ARHGAP32: variants seen among roughly 807,000 people sequenced by gnomAD.
The protein encoded by ARHGAP32 is rho GTPase-activating protein 32.
In ARHGAP32, 51 loss-of-function variants were observed where a neutral mutation model predicts 186.5. The ratio of observed to expected loss-of-function variants is 0.27; its 90% CI spans 0.22 to 0.35. The LOEUF (loss-of-function observed/expected upper bound fraction) is 0.35. Ranked by LOEUF, ARHGAP32 falls within the 10% of genes least tolerant of loss-of-function variation. ARHGAP32 has a pLI of 1.00. For synonymous variants in ARHGAP32, 950 were observed against 964.3 expected, an observed-to-expected ratio of 0.99 and a Z score of 0.27; for missense variants, 2,186 against 2,623.5, an observed-to-expected ratio of 0.83 and a Z score of 3.64.
In ARHGAP32 at chr11:128,970,708, G is replaced by A. The variant is rs748204862; in HGVS notation, c.4505C>T (p.Pro1502Leu). Residue 1502 changes from proline (P) to leucine (L), a missense_variant, in exon 23 of 23, where the codon CCA becomes CTA. Pro to Leu is a moderately conservative substitution (Grantham distance 98). This residue lies in a region of ARHGAP32 where 1,502 missense variants were observed against 1,570.0 expected (regional missense o/e 0.96). Coordinates refer to ENST00000682385, the MANE Select transcript of ARHGAP32 (RefSeq NM_001378024.1). The surrounding 1 kb of genome is among the most constrained non-coding windows in gnomAD (Gnocchi z 5.8). ...CATATTGAAATGCAAACAGTTATCT[G>A]GACCAAAGGGTTCAGTGGTGACATC... The part of the protein sequence containing the change: ...RPDVTTEPFG[P>L]DNCLHFNMTP... 7 of 1,614,168 alleles carry A rather than the reference G, an allele frequency of 4.3e-6. No homozygotes were observed. Among genetic ancestry groups the A allele is most frequent in the Admixed American group, 3.3e-5 (2 of 60,016 alleles).
Position 129,123,779 on chromosome 11 carries a change from AT to A in ARHGAP32, c.359+108del. On this transcript the variant is annotated intron_variant, in intron 4 of 22. Transcript: ENST00000682385. The surrounding 1 kb of genome is among the most constrained non-coding windows in gnomAD (Gnocchi z 4.6). ...CCGTTATCTCCTAATTTTGACCCGA[AT>A]CAATGTCCATAGAAAAACTGCTATT... 1 of 948,598 alleles carries A rather than the reference AT, an allele frequency of 1.1e-6. No individual in the cohort carries two copies. Among genetic ancestry groups the A allele is most frequent in the Non-Finnish European group, 1.5e-6 (1 of 673,924 alleles). The allele number at this position is 948,598 out of a possible 1,614,324, so 58.8% of individuals were successfully genotyped here.
intron 1 of ARHGAP32, among the ~76,000 whole-genome samples, chr11:129,210,726 C>A (rs1944569131): frequency 6.6e-6 from 1 of 152,168 alleles, no homozygotes; most frequent in Admixed American, 6.6e-5. Context: ...TCAACTATTT[C>A]CCGAAATGAT....
intron 11 of ARHGAP32, among the ~76,000 whole-genome samples, chr11:129,006,940 T>C (rs1937806339): frequency 6.6e-6 from 1 of 151,976 alleles, no homozygotes; most frequent in South Asian, 2.1e-4. Flanking sequence ...ACTCAAACCA[T>C]GAGACACAGT....
intron 11 of ARHGAP32, among the ~76,000 whole-genome samples, chr11:129,034,734 A>C (rs1939255283): frequency 6.7e-6 from 1 of 150,242 alleles, no homozygotes; most frequent in South Asian, 2.1e-4. Context: ...AAAACAAAAA[A>C]AAAAAAAAAA....
intron 6 of ARHGAP32, among the ~76,000 whole-genome samples, chr11:129,092,031 T>C (rs1348247759): frequency 6.6e-6 from 1 of 152,024 alleles, no homozygotes; most frequent in African/African-American, 2.4e-5. Context: ...AATTACTACT[T>C]TGATATAACA....
chr11:129,274,438 G>A (rs1044377795), intron 1 of ARHGAP32, among the ~76,000 whole-genome samples: 2 of 151,990 alleles, frequency 1.3e-5, no homozygotes, highest in Non-Finnish European at 2.9e-5. Context: ...CTGTTCCACC[G>A]AGGACAGCGT....
chr11:129,117,413 T>A (rs150182071), intron 5 of ARHGAP32, among the ~76,000 whole-genome samples: 351 of 152,120 alleles, frequency 2.3e-3, no homozygotes, highest in African/African-American at 8.3e-3. Flanking sequence ...ACTTTTTAAA[T>A]GAAACTTCAG....
intron 2 of ARHGAP32, among the ~76,000 whole-genome samples, chr11:129,126,543 T>G (rs966693358): frequency 6.6e-6 from 1 of 152,030 alleles, no homozygotes; most frequent in Non-Finnish European, 1.5e-5. Flanking sequence ...CTTTCACTTA[T>G]AGAAAAGAGA....
At position 128,988,188 on chromosome 11, in the gene ARHGAP32, A is replaced by G. The variant is rs1945934105; in HGVS notation, c.1196-63T>C. On this transcript the variant is annotated intron_variant, in intron 12 of 22. Transcript: ENST00000682385. ...TATTCACTGGAACCAAAGTTGCCAA[A>G]AAATAAGATTGTCTTAGTTTACAAA... 1.1e-5 allele frequency: 13 copies of G among 1,230,582 alleles called. No homozygotes were observed. In the South Asian group the frequency reaches 1.7e-4, roughly 16 times the overall value. 76.2% of individuals were successfully genotyped at this position (1,230,582 alleles called of 1,614,324 possible). A position where few individuals can be genotyped will look rare whatever the true frequency, so the allele number is the denominator to read the frequency against.
At chr11:129,258,324 G>A (rs1437428812) in intron 1 of ARHGAP32, among the ~76,000 whole-genome samples, 1 of 152,098 alleles carries the variant, frequency 6.6e-6, no homozygotes, top group Non-Finnish European at 1.5e-5. Flanking sequence ...CTGAATCTGT[G>A]AGCCATTTAA....
chr11:129,276,984 GA>G (rs1945539398), intron 1 of ARHGAP32, among the ~76,000 whole-genome samples: 1 of 152,134 alleles, frequency 6.6e-6, no homozygotes, highest in Admixed American at 6.5e-5. Flanking sequence ...GGTTAAATCC[GA>G]AAAATTCTCA....
At chr11:129,204,791 C>T (rs1440450658) in intron 1 of ARHGAP32, among the ~76,000 whole-genome samples, 4 of 152,166 alleles carry the variant, frequency 2.6e-5, no homozygotes, top group Non-Finnish European at 5.9e-5. Flanking sequence ...ATCTTATCCT[C>T]AAGTAACAGA....
chr11:129,264,061 AAAG>A lies in ARHGAP32; in HGVS notation c.-5+15082_-5+15084del, dbSNP rs1208502933. ...CAATGGAATAGTATTCACCCTTAAA[AAAG>A]AAGGAAATCCTTCCGCATGCTACAA... On this transcript the variant is annotated intron_variant, in intron 1 of 6. Coordinates refer to the ARHGAP32 transcript ENST00000525234. Among the ~76,000 whole-genome samples the A allele has an allele frequency of 3.9e-5, 6 of 152,216 alleles. No individual in the cohort carries two copies. In the East Asian group the frequency reaches 1.2e-3, roughly 29 times the overall value.
At chr11:129,190,714 A>G (rs527689584) in intron 1 of ARHGAP32, among the ~76,000 whole-genome samples, 5 of 152,358 alleles carry the variant, frequency 3.3e-5, no homozygotes, top group Middle Eastern at 3.4e-3. Flanking sequence ...ATACCCAAAT[A>G]ACTTCCATAA....
intron 19 of ARHGAP32, among the ~76,000 whole-genome samples, chr11:128,977,999 AAG>A (rs1172243183): frequency 2.6e-5 from 4 of 151,798 alleles, no homozygotes; most frequent in Non-Finnish European, 5.9e-5. Context: ...TTACAGGTGT[AAG>A]CCACTGTACC....
At chr11:129,031,322 C>A (rs904158797) in intron 11 of ARHGAP32, among the ~76,000 whole-genome samples, 1 of 152,146 alleles carries the variant, frequency 6.6e-6, no homozygotes, top group African/African-American at 2.4e-5. Flanking sequence ...TATCCATAAT[C>A]TTTGAAATAA....
intron 2 of ARHGAP32, among the ~76,000 whole-genome samples, chr11:129,134,875 T>C (rs1453745149): frequency 6.6e-6 from 1 of 152,148 alleles, no homozygotes; most frequent in Non-Finnish European, 1.5e-5. Flanking sequence ...AAAGAAACCC[T>C]CACCAGACAC....
intron 5 of ARHGAP32, among the ~76,000 whole-genome samples, chr11:129,107,868 CAAAAAAAAAAA>C (rs71057924): frequency 7.5e-5 from 7 of 93,392 alleles, no homozygotes; most frequent in Admixed American, 1.4e-4. Flanking sequence ...AACTATGTTT[CAAAAAAAAAAA>C]AAAAAAAAAA....
At chr11:129,267,756 TG>T (rs1945422957) in intron 1 of ARHGAP32, among the ~76,000 whole-genome samples, 4 of 152,342 alleles carry the variant, frequency 2.6e-5, no homozygotes, top group Admixed American at 2.0e-4. Context: ...AAGGTTTATT[TG>T]GTGCACAATT....
Sources: gnomAD v4.1 joint callset for allele counts (sites outside exome capture counted in the v4.1 genomes callset) on GRCh38, gnomAD v4.1.1 for gene constraint, gnomAD v4.1.1 regional missense constraint, Gnocchi (gnomAD v3.1) non-coding constraint, MANE v1.5 for transcripts, NCBI Gene and HGNC (gene_info 2026-07-23, HGNC 2026-07-21) for gene names.